The following PAICS variants were observed in gnomAD, a reference collection of about 807,000 sequenced individuals.
PAICS encodes bifunctional phosphoribosylaminoimidazole carboxylase/phosphoribosylaminoimidazole succinocarboxamide synthetase.
PAICS carries 33 observed loss-of-function variants against 53.7 expected under a neutral mutation model. The observed-to-expected ratio is 0.61, with a 90% CI of 0.47 to 0.82. The LOEUF (loss-of-function observed/expected upper bound fraction) is 0.82, where lower values mean the gene tolerates loss of function less well. PAICS is among the 40% of genes least tolerant of loss of function. PAICS has a pLI of 0.00. For synonymous variants in PAICS, 141 were observed against 167.2 expected, an observed-to-expected ratio of 0.84 and a Z score of 1.21; for missense variants, 394 against 494.1, an observed-to-expected ratio of 0.80 and a Z score of 1.92.
intron 1 of PAICS, among the ~76,000 whole-genome samples, chr4:56,438,051 G>A (rs566411839): frequency 9.0e-4 from 136 of 151,748 alleles, no homozygotes; most frequent in South Asian, 2.3e-3. Context: ...TCTCTAAAAG[G>A]CAAAAGTGGC....
chr4:56,442,069 A>G (rs1718372546), intron 2 of PAICS: 1 of 471,876 alleles, frequency 2.1e-6, no homozygotes, highest in Non-Finnish European at 3.8e-6. Context: ...AGGAATCTTA[A>G]CAAGTTTGCT....
the PAICS span, among the ~76,000 whole-genome samples, chr4:56,412,148 C>G: frequency 2.0e-5 from 3 of 152,072 alleles, no homozygotes; most frequent in African/African-American, 7.2e-5. Flanking sequence ...GCCAATATCT[C>G]AACTTCTTAA....
upstream of PAICS, among the ~76,000 whole-genome samples, chr4:56,433,699 G>GTT (rs35741626): frequency 0.022 from 3,058 of 141,376 alleles, 90 homozygotes; most frequent in African/African-American, 0.067. Flanking sequence ...AATAACAACT[G>GTT]TTTTTTTTTT....
rs1719525701 is a variant in PAICS at position 56,461,817 on chromosome 4, C to G, written c.*2279C>G. The stretch of plus-strand genomic sequence containing the variant: ...GCTATCTTTTGAGTATTTATACTTT[C>G]TACGGGCTTGTAGGTAAACATAAAA... On this transcript the variant is annotated 3_prime_UTR_variant, in exon 9 of 9. Transcript: ENST00000512576. 1 of 152,144 alleles carries G rather than the reference C, an allele frequency of 6.6e-6. No homozygotes were observed. Among genetic ancestry groups the G allele is most frequent in the South Asian group, 2.1e-4 (1 of 4,828 alleles). 9.4% of individuals were successfully genotyped at this position (152,144 alleles called of 1,614,324 possible). A position where few individuals can be genotyped will look rare whatever the true frequency, so the allele number is the denominator to read the frequency against.
At chr4:56,439,219 A>T (rs1306409091) in intron 1 of PAICS, among the ~76,000 whole-genome samples, 1 of 151,938 alleles carries the variant, frequency 6.6e-6, no homozygotes, top group African/African-American at 2.4e-5. Flanking sequence ...TCTTTATCTG[A>T]TCTGGGCACT....
chr4:56,459,143 T>C (rs1481511732), intron 8 of PAICS, among the ~76,000 whole-genome samples: 1 of 152,216 alleles, frequency 6.6e-6, no homozygotes, highest in Non-Finnish European at 1.5e-5. Flanking sequence ...ATAGATGATA[T>C]ATATAAAATA....
At position 56,461,731 on chromosome 4, in the gene PAICS, G is replaced by T. The variant is rs1719523381; in HGVS notation, c.*2193G>T. Reference sequence around the variant, plus strand: ...CATGTCCTCAGTAGTAAGTTCATCAGTGCTAAATATTTGAAGGTATTTCTA... The same window carrying T: ...CATGTCCTCAGTAGTAAGTTCATCATTGCTAAATATTTGAAGGTATTTCTA... On this transcript the variant is annotated 3_prime_UTR_variant, in exon 9 of 9. Coordinates refer to ENST00000512576, the MANE Select transcript of PAICS (RefSeq NM_001079524.2). 1 of 152,098 alleles carries T rather than the reference G, an allele frequency of 6.6e-6. No homozygotes were observed. The highest frequency in any genetic ancestry group is 2.1e-4 in the South Asian group (1 of 4,822). The allele number at this position is 152,098 out of a possible 1,614,324, so 9.4% of individuals were successfully genotyped here. A position where few individuals can be genotyped will look rare whatever the true frequency, so the allele number is the denominator to read the frequency against.
At chr4:56,450,335 CAG>C (rs778405954) in intron 5 of PAICS, among the ~76,000 whole-genome samples, 25 of 152,208 alleles carry the variant, frequency 1.6e-4, no homozygotes, top group African/African-American at 5.8e-4. Context: ...TAAAAAATAA[CAG>C]AAAACAAAAT....
At chr4:56,420,778 T>C in the PAICS span, 3 of 152,188 alleles carry the variant, frequency 2.0e-5, no homozygotes, top group Non-Finnish European at 4.4e-5. Flanking sequence ...GTAGTACATT[T>C]CTCTGAGACC....
rs188864380 is a variant in PAICS, at chr4:56,452,112, C to A, written c.952+60C>A. The A allele has an allele frequency of 1.4e-4, 152 of 1,060,064 alleles. No homozygotes were observed. In the African/African-American group the frequency reaches 2.2e-3, roughly 15 times the overall value. 65.7% of individuals were successfully genotyped at this position (1,060,064 alleles called of 1,614,324 possible). On this transcript the variant is annotated intron_variant, in intron 7 of 8. Transcript: ENST00000512576. ...TCTGATTTTGCTAAAAGTAATTACACACTTTAGACTAATAATGCTGAAAAA... is the reference window on the plus strand; with the variant it reads ...TCTGATTTTGCTAAAAGTAATTACAAACTTTAGACTAATAATGCTGAAAAA...
At chr4:56,454,029 A>G (rs912534457) in intron 8 of PAICS, among the ~76,000 whole-genome samples, 1 of 152,218 alleles carries the variant, frequency 6.6e-6, no homozygotes, top group African/African-American at 2.4e-5. Context: ...AAAGGAGCCC[A>G]CTATCTGATG....
At chr4:56,435,685 AC>A, upstream of PAICS, 1 of 1,449,916 alleles carries the variant, frequency 6.9e-7, no homozygotes, top group Non-Finnish European at 9.1e-7. Context: ...GAGTCCACCA[AC>A]GAGCGAGGGC....
At chr4:56,418,273 A>G in the PAICS span, among the ~76,000 whole-genome samples, 1 of 152,160 alleles carries the variant, frequency 6.6e-6, no homozygotes, top group Non-Finnish European at 1.5e-5. Flanking sequence ...ACTACACTCT[A>G]GCTTGGTGAA....
chr4:56,438,416 T>G (rs1047397417), intron 1 of PAICS, among the ~76,000 whole-genome samples: 11 of 128,280 alleles, frequency 8.6e-5, no homozygotes, highest in African/African-American at 1.3e-4. Flanking sequence ...AGGTTTTTTT[T>G]GTTGTTGTTT....
In PAICS at chr4:56,446,881, T is replaced by C; in HGVS notation, c.393+8T>C. ...GTGGAGTTGTTTTTCAAGGTAATTATCTTATGCCTCTGTTTTATGTCTTAC... is the reference window on the plus strand; with the variant it reads ...GTGGAGTTGTTTTTCAAGGTAATTACCTTATGCCTCTGTTTTATGTCTTAC... On this transcript the variant is annotated splice_region_variant and intron_variant, in intron 3 of 8. Transcript: ENST00000512576. 1 of 1,552,570 alleles carries C rather than the reference T, an allele frequency of 6.4e-7. No individual in the cohort carries two copies. The highest frequency in any genetic ancestry group is 8.8e-7 in the Non-Finnish European group (1 of 1,130,946).
chr4:56,437,927 C>G (rs1217744501), intron 1 of PAICS, among the ~76,000 whole-genome samples: 1 of 149,300 alleles, frequency 6.7e-6, no homozygotes, highest in Non-Finnish European at 1.5e-5. Flanking sequence ...ATTTTTCTTG[C>G]AATCATGGTA....
intron 8 of PAICS, among the ~76,000 whole-genome samples, chr4:56,456,417 GTTTGT>G (rs948160840): frequency 6.6e-5 from 10 of 151,936 alleles, no homozygotes; most frequent in African/African-American, 2.2e-4. Flanking sequence ...GGTGTTTTTT[GTTTGT>G]TTTGACACAG....
At chr4:56,456,477 A>C (rs1359618101) in intron 8 of PAICS, among the ~76,000 whole-genome samples, 1 of 152,126 alleles carries the variant, frequency 6.6e-6, no homozygotes, top group African/African-American at 2.4e-5. Flanking sequence ...GCATGATCAT[A>C]TCTCACTGGA....
intron 1 of PAICS, 89 bp downstream of exon 1, chr4:56,436,417 C>G: frequency 9.2e-7 from 1 of 1,084,174 alleles, no homozygotes; most frequent in East Asian, 2.6e-5. Context: ...AACTCTGTCC[C>G]GCCTCCCTGC....
Sources: allele counts gnomAD v4.1 joint callset (sites outside exome capture counted in the v4.1 genomes callset), GRCh38; gene constraint gnomAD v4.1.1; transcripts MANE v1.5; gene names NCBI Gene and HGNC (gene_info 2026-07-23, HGNC 2026-07-21).